The following PTK2 variants were observed in gnomAD, a reference collection of about 807,000 sequenced individuals.
PTK2 encodes focal adhesion kinase 1.
A neutral mutation model predicts 150.1 loss-of-function variants in PTK2; 45 were observed. The observed-to-expected ratio is 0.30, with a 90% CI of 0.24 to 0.38. The LOEUF (loss-of-function observed/expected upper bound fraction) is 0.38, where lower values mean the gene tolerates loss of function less well. Among genes scored for constraint, PTK2 ranks in the 10% least tolerant of loss-of-function variants. The probability of loss-of-function intolerance (pLI) is 1.00; values close to 1 mark genes in which losing one functional copy is unlikely to be tolerated. For synonymous variants in PTK2, 432 were observed against 449.2 expected (o/e 0.96, Z 0.48); for missense variants, 919 against 1,307.3 (o/e 0.70, Z 4.58).
chr8:140,771,261 T>C (rs966931572), intron 14 of PTK2: 1 of 152,504 alleles, frequency 6.6e-6, no homozygotes, highest in South Asian at 2.1e-4. Flanking sequence ...TCTTGAGTTA[T>C]ATACTTTACA....
Position 140,671,651 on chromosome 8 carries a change from T to G in PTK2, c.2709+2647A>C, listed in dbSNP as rs377104579. Among the ~76,000 whole-genome samples the G allele has an allele frequency of 1.7e-3, 256 of 151,090 alleles. 1 individual carries two copies. The highest frequency in any genetic ancestry group is 5.8e-3 in the African/African-American group (237 of 41,122). On this transcript the variant is annotated intron_variant, in intron 29 of 31. Transcript: ENST00000522684. ...TACTTAGGTCGGGTGCGGTGGCTCA[T>G]GCCTGTAATCCCAGCACTTTGGGAG...
At position 140,966,652 on chromosome 8, in the gene PTK2, T is replaced by A. The variant is rs138596660; in HGVS notation, c.-122+34473A>T. 1.8e-4 allele frequency among the ~76,000 whole-genome samples: 27 copies of A among 152,364 alleles called. 1 individual carries two copies. In the East Asian group the frequency reaches 4.8e-3, roughly 27 times the overall value. On this transcript the variant is annotated intron_variant, in intron 1 of 31. Transcript: ENST00000522684. ...TCTCAAATTATAAAATTAAAAGTCT[T>A]AAATTCTTTTTCTCCAGATGGATAA...
intron 14 of PTK2, among the ~76,000 whole-genome samples, chr8:140,766,954 A>G (rs1413342797): frequency 2.0e-5 from 3 of 152,208 alleles, no homozygotes; most frequent in Non-Finnish European, 4.4e-5. Flanking sequence ...CAGATCATCA[A>G]GCAACAGTAA....
intron 14 of PTK2, 107 bp from the exon 16 acceptor site, chr8:140,769,699 T>A: frequency 1.6e-6 from 1 of 635,526 alleles, no homozygotes; most frequent in Non-Finnish European, 2.4e-6. Flanking sequence ...AAATGACAAG[T>A]AAACCAAAGT....
At chr8:140,902,930 T>TGTTTTGTTTTG (rs1464479188) in intron 2 of PTK2, among the ~76,000 whole-genome samples, 1 of 89,428 alleles carries the variant, frequency 1.1e-5, no homozygotes, top group African/African-American at 3.9e-5. Context: ...AGTTGTTTTT[T>TGTTTTGTTTTG]TTTTTTTTTT....
chr8:140,811,271 T>TA (rs1170336200), intron 10 of PTK2, among the ~76,000 whole-genome samples: 2 of 152,182 alleles, frequency 1.3e-5, no homozygotes, highest in Non-Finnish European at 2.9e-5. Context: ...CTCCCAGAAT[T>TA]AGAGCACACA....
intron 8 of PTK2, chr8:140,820,644 A>G (rs532259255): frequency 2.0e-5 from 3 of 152,070 alleles, no homozygotes; most frequent in African/African-American, 7.2e-5. Context: ...CATAGAACCA[A>G]CAGGATATGC....
intron 22 of PTK2, chr8:140,732,765 A>G (rs1434744173): frequency 3.5e-6 from 1 of 288,456 alleles, no homozygotes; most frequent in Non-Finnish European, 6.9e-6. Context: ...CTATAGCAGC[A>G]TAGGGTAAGC....
At chr8:140,903,474 T>C (rs1337511176) in intron 2 of PTK2, among the ~76,000 whole-genome samples, 1 of 152,194 alleles carries the variant, frequency 6.6e-6, no homozygotes, top group Non-Finnish European at 1.5e-5. Flanking sequence ...TAGGATTGAG[T>C]TGGCTATGCG....
exon 25 of PTK2, chr8:140,702,618 T>C (rs1224461421): frequency 1.9e-6 from 3 of 1,614,098 alleles, no homozygotes; most frequent in South Asian, 1.1e-5. Flanking sequence ...TATGATTCCA[T>C]GAATCTGTTT....
intron 2 of PTK2, among the ~76,000 whole-genome samples, chr8:140,904,194 A>G (rs2100159931): frequency 1.3e-5 from 2 of 152,150 alleles, no homozygotes; most frequent in African/African-American, 4.8e-5. Flanking sequence ...TACTTTATTG[A>G]GAGTTTTTAA....
At chr8:140,816,756 T>G (rs909453778) in intron 10 of PTK2, among the ~76,000 whole-genome samples, 1 of 152,198 alleles carries the variant, frequency 6.6e-6, no homozygotes, top group Non-Finnish European at 1.5e-5. Flanking sequence ...GTTACAAGAA[T>G]AACTTTGTAT....
chr8:140,898,353 GTCC>G (rs2100157147), intron 2 of PTK2, among the ~76,000 whole-genome samples: 1 of 152,180 alleles, frequency 6.6e-6, no homozygotes. Context: ...ACTTTACTGA[GTCC>G]TGGCTCAGCC....
chr8:140,694,391 G>A (rs1031426307), intron 26 of PTK2, among the ~76,000 whole-genome samples: 1 of 151,894 alleles, frequency 6.6e-6, no homozygotes, highest in Non-Finnish European at 1.5e-5. Context: ...GTAATTTTTG[G>A]GCTGTCAAAA....
chr8:140,774,395 G>C (rs2100077232), intron 14 of PTK2, among the ~76,000 whole-genome samples: 3 of 152,198 alleles, frequency 2.0e-5, no homozygotes, highest in Admixed American at 1.3e-4. Flanking sequence ...GGAGGCTAAG[G>C]AAACACTCAC....
Position 140,686,707 on chromosome 8 carries a change from A to T in PTK2, c.2500-13T>A, listed in dbSNP as rs1564368454. On this transcript the variant is annotated splice_polypyrimidine_tract_variant and intron_variant, in intron 26 of 31. Transcript: ENST00000522684. ...TCACATCAGGTTTCTGAAGAAATTA[A>T]AACAAAATCAAAACAATTTCATTTT... 5 of 1,606,852 alleles carry T rather than the reference A, an allele frequency of 3.1e-6. No homozygotes were observed. Among genetic ancestry groups the T allele is most frequent in the Non-Finnish European group, 4.3e-6 (5 of 1,174,212 alleles).
intron 5 of PTK2, among the ~76,000 whole-genome samples, chr8:140,853,829 G>C (rs1383624645): frequency 7.2e-5 from 11 of 152,140 alleles, no homozygotes; most frequent in Admixed American, 2.0e-4. Context: ...GTCTGGAAAA[G>C]GGCAGCTGAT....
intron 3 of PTK2, among the ~76,000 whole-genome samples, chr8:140,884,505 A>G (rs2100151373): frequency 6.6e-6 from 1 of 152,204 alleles, no homozygotes; most frequent in Non-Finnish European, 1.5e-5. Context: ...TTTTAAACAT[A>G]CATTCACCTG....
chr8:140,660,502 C>T (rs1025953505), intron 31 of PTK2: 27 of 418,412 alleles, frequency 6.5e-5, no homozygotes, highest in South Asian at 3.0e-4. Context: ...GGCAGGCTGA[C>T]GGCTTGAGCT....
Sources: gnomAD v4.1 joint callset for allele counts (sites outside exome capture counted in the v4.1 genomes callset) on GRCh38, gnomAD v4.1.1 for gene constraint, MANE v1.5 for transcripts, NCBI Gene and HGNC (gene_info 2026-07-23, HGNC 2026-07-21) for gene names.